Variants in UGT1A10 observed in about 807,000 individuals in gnomAD.
UGT1A10 encodes UDP glucuronosyltransferase family 1 member A10, also known as UDP-glucuronosyltransferase 1A10.
Under a neutral mutation model 45.8 loss-of-function variants are expected in UGT1A10, and 49 were observed. That is an observed-to-expected ratio of 1.07 (90% CI 0.85 to 1.36). UGT1A10 has a LOEUF of 1.36. Among genes scored for constraint, UGT1A10 ranks in the 40% most tolerant of loss-of-function variants. UGT1A10 has a pLI of 0.00. For synonymous variants in UGT1A10, 284 were observed against 249.7 expected (o/e 1.14, Z -1.29); for missense variants, 745 against 668.6 (o/e 1.11, Z -1.26).
chr2:233,706,580 A>T (rs903868789), intron 1 of UGT1A10, among the ~76,000 whole-genome samples: 5 of 152,102 alleles, frequency 3.3e-5, no homozygotes, highest in African/African-American at 1.2e-4. Context: ...AAGAGTGGAG[A>T]TGGGAGGTGG....
At chr2:233,757,562 GTATATA>G (rs1491042837) in intron 1 of UGT1A10, among the ~76,000 whole-genome samples, 1 of 90,870 alleles carries the variant, frequency 1.1e-5, no homozygotes, top group South Asian at 4.4e-4. Context: ...ATATATATAT[GTATATA>G]TGATATAGCT....
intron 1 of UGT1A10, among the ~76,000 whole-genome samples, chr2:233,714,275 A>G: frequency 6.6e-6 from 1 of 152,192 alleles, no homozygotes; most frequent in East Asian, 1.9e-4. Flanking sequence ...TGTTGACGTG[A>G]CAATTTTTAG....
intron 1 of UGT1A10, chr2:233,719,003 C>T: frequency 6.2e-7 from 1 of 1,614,256 alleles, no homozygotes; most frequent in Admixed American, 1.7e-5. Context: ...CGGTGGTCCT[C>T]ACCCCAGAGG....
intron 1 of UGT1A10, chr2:233,648,330 G>T: frequency 2.0e-6 from 1 of 497,574 alleles, no homozygotes; most frequent in South Asian, 2.0e-5. Flanking sequence ...TCCTCTCGGT[G>T]GTCTTCGCCA....
intron 1 of UGT1A10, among the ~76,000 whole-genome samples, chr2:233,730,659 C>T (rs572509077): frequency 5.9e-5 from 9 of 152,094 alleles, no homozygotes; most frequent in South Asian, 4.2e-4. Context: ...TCTCAGAGTT[C>T]GGAAGGCAAA....
chr2:233,768,502 A>G (rs1225934667), intron 4 of UGT1A10, 63 bp downstream of exon 4: 30 of 1,567,296 alleles, frequency 1.9e-5, no homozygotes, highest in Non-Finnish European at 2.6e-5. Flanking sequence ...TGTTTCAAAT[A>G]TGAAAACATT....
chr2:233,712,808 G>A (rs1409482775), intron 1 of UGT1A10, among the ~76,000 whole-genome samples: 1 of 152,192 alleles, frequency 6.6e-6, no homozygotes, highest in Non-Finnish European at 1.5e-5. Context: ...CTTTCCCAGG[G>A]TGGGGCCCAT....
At chr2:233,720,075 T>C (rs1197503417) in intron 1 of UGT1A10, among the ~76,000 whole-genome samples, 1 of 152,184 alleles carries the variant, frequency 6.6e-6, no homozygotes, top group Admixed American at 6.5e-5. Flanking sequence ...ATTAGAATTG[T>C]GGACATGATA....
At chr2:233,725,066 A>G (rs1162787353) in intron 1 of UGT1A10, among the ~76,000 whole-genome samples, 1 of 146,718 alleles carries the variant, frequency 6.8e-6, no homozygotes, top group South Asian at 2.3e-4. Flanking sequence ...GCGCGCCTGC[A>G]ATCGCAGGCA....
intron 1 of UGT1A10, chr2:233,672,042 C>T (rs769533948): frequency 8.7e-6 from 14 of 1,614,160 alleles, no homozygotes; most frequent in Non-Finnish European, 1.2e-5. Context: ...TGGATGGGAG[C>T]CACTGGTTCA....
chr2:233,675,603 T>C (rs1166392817), intron 1 of UGT1A10, among the ~76,000 whole-genome samples: 1 of 152,124 alleles, frequency 6.6e-6, no homozygotes, highest in Non-Finnish European at 1.5e-5. Context: ...GACTAAGGCC[T>C]CCCACTAAAA....
intron 1 of UGT1A10, chr2:233,748,083 G>T (rs1025205090): frequency 2.2e-5 from 36 of 1,612,854 alleles, no homozygotes; most frequent in Non-Finnish European, 2.8e-5. Context: ...ATCTCAGGTC[G>T]GTGTTCGTGC....
At chr2:233,724,335 G>C (rs2077226383) in intron 1 of UGT1A10, among the ~76,000 whole-genome samples, 1 of 147,976 alleles carries the variant, frequency 6.8e-6, no homozygotes, top group African/African-American at 2.5e-5. Flanking sequence ...CCAGGCGGGG[G>C]GCTGACCCCC....
Position 233,769,730 on chromosome 2 carries a change from C to A in UGT1A10, c.1295+1291C>A. On this transcript the variant is annotated intron_variant, in intron 4 of 4. Transcript: ENST00000344644. The surrounding 1 kb of genome is among the most constrained non-coding windows in gnomAD (Gnocchi z 4.4). The stretch of plus-strand genomic sequence containing the variant: ...GTTGGCTAGGCACCATGGCACACGC[C>A]TGTAGTCCCAGCCACTCTGGAGGCT... The A allele has an allele frequency of 6.8e-7, 1 of 1,468,358 alleles. No homozygotes were observed. The highest frequency in any genetic ancestry group is 9.0e-7 in the Non-Finnish European group (1 of 1,108,860). 91.0% of individuals were successfully genotyped at this position (1,468,358 alleles called of 1,614,324 possible).
At chr2:233,720,324 C>T (rs938076582) in intron 1 of UGT1A10, among the ~76,000 whole-genome samples, 3 of 151,934 alleles carry the variant, frequency 2.0e-5, no homozygotes, top group Admixed American at 6.6e-5. Flanking sequence ...GTGGGGACAT[C>T]GTAGAGTTTG....
chr2:233,640,025 G>T (rs921854744), intron 1 of UGT1A10, among the ~76,000 whole-genome samples: 2 of 152,190 alleles, frequency 1.3e-5, no homozygotes, highest in East Asian at 1.9e-4. Context: ...CATGGTAGGT[G>T]CAGCTCTGCA....
intron 1 of UGT1A10, chr2:233,691,120 AGC>A (rs1230467819): frequency 1.4e-5 from 14 of 985,756 alleles, no homozygotes; most frequent in Non-Finnish European, 1.7e-5. Context: ...TGCTTGCTTA[AGC>A]CATTCTTCCT....
chr2:233,712,420 A>G (rs1330088070), intron 1 of UGT1A10, among the ~76,000 whole-genome samples: 3 of 152,190 alleles, frequency 2.0e-5, no homozygotes, highest in African/African-American at 7.2e-5. Context: ...GCTTTACAAG[A>G]AATATCCTGG....
At chr2:233,656,715 G>A (rs764854716) in intron 1 of UGT1A10, among the ~76,000 whole-genome samples, 3 of 152,078 alleles carry the variant, frequency 2.0e-5, no homozygotes, top group African/African-American at 4.8e-5. Context: ...GTGACGAGGC[G>A]TGTCCAGCCT....
Sources: allele counts gnomAD v4.1 joint callset (sites outside exome capture counted in the v4.1 genomes callset), GRCh38; gene constraint gnomAD v4.1.1; non-coding constraint Gnocchi (gnomAD v3.1); transcripts MANE v1.5; gene names NCBI Gene and HGNC (gene_info 2026-07-23, HGNC 2026-07-21).